Variants in AKAP6 observed in about 807,000 individuals in gnomAD.
The protein encoded by AKAP6 is A-kinase anchoring protein 6, also known as A-kinase anchor protein 6.
AKAP6 carries 58 observed loss-of-function variants against 188.5 expected under a neutral mutation model. The ratio of observed to expected loss-of-function variants is 0.31; its 90% CI spans 0.25 to 0.38. The LOEUF (loss-of-function observed/expected upper bound fraction) is 0.38, where lower values mean the gene tolerates loss of function less well. AKAP6 is among the 10% of genes least tolerant of loss of function. The pLI is 1.00. For synonymous variants in AKAP6, 989 were observed against 998.6 expected (o/e 0.99, Z 0.18); for missense variants, 2,710 against 2,740.0 (o/e 0.99, Z 0.24).
intron 1 of AKAP6, among the ~76,000 whole-genome samples, chr14:32,405,068 G>C (rs1464224589): frequency 1.3e-5 from 2 of 151,820 alleles, no homozygotes; most frequent in African/African-American, 2.4e-5. Flanking sequence ...GGGAGGGGAA[G>C]GGATAAATGT....
At chr14:32,392,233 G>A (rs933462904) in intron 1 of AKAP6, among the ~76,000 whole-genome samples, 4 of 152,168 alleles carry the variant, frequency 2.6e-5, no homozygotes, top group East Asian at 1.9e-4. Context: ...TTTTCACAGG[G>A]TTAGCAATTT....
intron 1 of AKAP6, among the ~76,000 whole-genome samples, chr14:32,340,317 G>A (rs1886850279): frequency 6.6e-6 from 1 of 151,888 alleles, no homozygotes; most frequent in African/African-American, 2.4e-5. Flanking sequence ...TGCAATATAT[G>A]GCATGGTCAG....
chr14:32,731,561 T>C (rs73266966), intron 9 of AKAP6, among the ~76,000 whole-genome samples: 3,003 of 152,242 alleles, frequency 0.02, 98 homozygotes, highest in African/African-American at 0.068. Flanking sequence ...ATTGCTATTA[T>C]ATCTTGGAAA....
chr14:32,353,875 A>G (rs1165765030), intron 1 of AKAP6, among the ~76,000 whole-genome samples: 1 of 152,162 alleles, frequency 6.6e-6, no homozygotes, highest in Non-Finnish European at 1.5e-5. Flanking sequence ...CAAAGAGAAT[A>G]AAATACCTAG....
intron 5 of AKAP6, among the ~76,000 whole-genome samples, chr14:32,595,601 T>G (rs1420890029): frequency 6.6e-6 from 1 of 152,146 alleles, no homozygotes; most frequent in Admixed American, 6.6e-5. Context: ...CTTGAACTCC[T>G]GGGCTCAAGC....
intron 12 of AKAP6, among the ~76,000 whole-genome samples, chr14:32,800,000 A>C (rs986978369): frequency 3.3e-5 from 5 of 150,112 alleles, no homozygotes; most frequent in Non-Finnish European, 5.9e-5. Context: ...GCTTGAGCCC[A>C]GATGTTCAAG....
chr14:32,475,537 C>A (rs972814131), intron 2 of AKAP6, among the ~76,000 whole-genome samples: 5 of 152,184 alleles, frequency 3.3e-5, no homozygotes, highest in Admixed American at 2.0e-4. Flanking sequence ...TCCAAAAAGG[C>A]ATGCTATGAA....
intron 2 of AKAP6, among the ~76,000 whole-genome samples, chr14:32,441,386 A>G (rs984157964): frequency 2.6e-5 from 4 of 152,178 alleles, no homozygotes; most frequent in Non-Finnish European, 5.9e-5. Context: ...TTGAATGGCT[A>G]ATTTTAGATA....
In AKAP6 at chr14:32,535,700, A is replaced by G. The variant is rs1882641734; in HGVS notation, c.471A>G (p.Ser157=). Residue 157 remains serine (S), a synonymous_variant, in exon 3 of 14, where the codon TCA becomes TCG. Coordinates refer to ENST00000280979, the MANE Select transcript of AKAP6 (RefSeq NM_004274.5). The part of the protein sequence containing the change: ...VQLLWHQLRV[S]VLVLRERILQ... ...TCCTCTGGCACCAGCTTCGAGTCTC[A>G]GTGCTGGTTCTGCGGGAGCGCATTC... The G allele has an allele frequency of 1.9e-6, 3 of 1,614,116 alleles. No individual in the cohort carries two copies. Among genetic ancestry groups the G allele is most frequent in the Non-Finnish European group, 8.5e-7 (1 of 1,180,032 alleles).
intron 9 of AKAP6, among the ~76,000 whole-genome samples, chr14:32,707,749 A>G (rs1261928894): frequency 2.0e-5 from 3 of 152,114 alleles, no homozygotes; most frequent in Non-Finnish European, 4.4e-5. Context: ...TACTTTTTCA[A>G]CAAAACAGTC....
intron 11 of AKAP6, among the ~76,000 whole-genome samples, chr14:32,736,998 G>A (rs1210318620): frequency 6.6e-6 from 1 of 152,172 alleles, no homozygotes; most frequent in African/African-American, 2.4e-5. Flanking sequence ...AAGTTAAAGT[G>A]TCTTGCCAAA....
chr14:32,822,972 A>G lies in AKAP6; in HGVS notation c.5159A>G (p.Lys1720Arg), dbSNP rs750496146. 8 of 1,613,912 alleles carry G rather than the reference A, an allele frequency of 5.0e-6. No homozygotes were observed. In the Admixed American group the frequency reaches 1.3e-4, roughly 27 times the overall value. ...KIPESNASFR[K>R]RLTRSVADES... is the part of the protein sequence containing the mutation. ...CCGGAATCGAATGCATCGTTCAGGA[A>G]GCGTCTGACTCGTTCAGTGGCTGAT... The change falls in exon 13 of 14, where the codon AAG becomes AGG. Residue 1720 changes from lysine (K) to arginine (R), a missense_variant. Coordinates refer to ENST00000280979, the MANE Select transcript of AKAP6 (RefSeq NM_004274.5).
chr14:32,709,147 A>T (rs1395340631), intron 9 of AKAP6, among the ~76,000 whole-genome samples: 2 of 152,060 alleles, frequency 1.3e-5, no homozygotes, highest in African/African-American at 4.8e-5. Context: ...AGAAAAAGAA[A>T]TAAAGTATGG....
chr14:32,360,242 C>T (rs1369975899), intron 1 of AKAP6, among the ~76,000 whole-genome samples: 1 of 152,040 alleles, frequency 6.6e-6, no homozygotes, highest in East Asian at 1.9e-4. Flanking sequence ...ATTCTCCTGC[C>T]TCAGCCTCCT....
intron 1 of AKAP6, among the ~76,000 whole-genome samples, chr14:32,334,820 C>T (rs543357933): frequency 2.0e-5 from 3 of 152,332 alleles, no homozygotes; most frequent in South Asian, 4.1e-4. Flanking sequence ...TTGTTTTCCT[C>T]ATAAGCCACC....
At chr14:32,463,502 G>A (rs1022768233) in intron 2 of AKAP6, among the ~76,000 whole-genome samples, 5 of 152,092 alleles carry the variant, frequency 3.3e-5, no homozygotes, top group Admixed American at 6.6e-5. Flanking sequence ...GAATGTTTAC[G>A]GGGTAAAGAG....
rs532464400 is a variant in AKAP6 at position 32,545,031 on chromosome 14, C to A, written c.577-199C>A. Among the ~76,000 whole-genome samples the A allele has an allele frequency of 2.0e-5, 3 of 152,096 alleles. 1 individual carries two copies. The South Asian group carries it at 6.2e-4, about 32-fold the overall frequency. ...TGTATACTCCAGATTAGTGAAAAAT[C>A]TTCAGGTGTTTAAGAACAAGATACT... On this transcript the variant is annotated intron_variant, in intron 3 of 13. Coordinates refer to ENST00000280979, the MANE Select transcript of AKAP6 (RefSeq NM_004274.5).
At chr14:32,788,056 A>C (rs1374763835) in intron 12 of AKAP6, among the ~76,000 whole-genome samples, 1 of 151,812 alleles carries the variant, frequency 6.6e-6, no homozygotes, top group Non-Finnish European at 1.5e-5. Context: ...AAAAAAAAAA[A>C]AAAAAAGAAG....
chr14:32,637,060 C>T (rs1418403368), intron 7 of AKAP6, among the ~76,000 whole-genome samples: 1 of 151,988 alleles, frequency 6.6e-6, no homozygotes, highest in Non-Finnish European at 1.5e-5. Flanking sequence ...CTTGGCCTAG[C>T]CTATCATCTC....
Sources: allele counts gnomAD v4.1 joint callset (sites outside exome capture counted in the v4.1 genomes callset), GRCh38; gene constraint gnomAD v4.1.1; transcripts MANE v1.5; gene names NCBI Gene and HGNC (gene_info 2026-07-23, HGNC 2026-07-21).